MRE11: variants seen among roughly 807,000 people sequenced by gnomAD.
MRE11 encodes MRE11 double strand break repair nuclease.
In MRE11, 62 loss-of-function variants were observed where a neutral mutation model predicts 91.7. The ratio of observed to expected loss-of-function variants is 0.68; its 90% CI spans 0.55 to 0.84. The LOEUF is 0.84. MRE11 is among the 40% of genes least tolerant of loss of function. The pLI, the probability that MRE11 is intolerant of heterozygous loss-of-function variation, is 0.00. For synonymous variants in MRE11, 273 were observed against 271.4 expected (o/e 1.01, Z -0.06); for missense variants, 796 against 852.9 (o/e 0.93, Z 0.83).
chr11:94,503,768 A>T, the MRE11 span, among the ~76,000 whole-genome samples: 1 of 140,794 alleles, frequency 7.1e-6, no homozygotes, highest in Admixed American at 7.7e-5. Flanking sequence ...CTATACTTGC[A>T]GTGAGCCGAG....
chr11:94,472,027 T>G (rs1946730061), intron 7 of MRE11, among the ~76,000 whole-genome samples: 1 of 151,986 alleles, frequency 6.6e-6, no homozygotes, highest in South Asian at 2.1e-4. Context: ...ATGAAAGGTT[T>G]TACATAGGAA....
intron 10 of MRE11, 80 bp from the exon 11 acceptor site, chr11:94,464,319 TCA>T (rs1303957044): frequency 4.5e-6 from 7 of 1,569,284 alleles, no homozygotes; most frequent in South Asian, 2.2e-5. Context: ...CCTTCAGTAT[TCA>T]CAGTGTTTAT....
chr11:94,452,196 CAAAA>C (rs35238737), intron 14 of MRE11, among the ~76,000 whole-genome samples: 3 of 94,546 alleles, frequency 3.2e-5, no homozygotes, highest in Non-Finnish European at 4.4e-5. Flanking sequence ...GACTTTGCCT[CAAAA>C]AAAAAAAAAA....
intron 7 of MRE11, 45 bp from the exon 8 acceptor site, chr11:94,471,804 T>A: frequency 6.9e-7 from 1 of 1,454,070 alleles, no homozygotes; most frequent in East Asian, 2.4e-5. Flanking sequence ...ATTAGAAAAA[T>A]TTCATATTAT....
chr11:94,420,131 T>A lies in MRE11; in HGVS notation c.2121A>T (p.Arg707Ser). 1.9e-6 allele frequency: 3 copies of A among 1,571,356 alleles called. No individual in the cohort carries two copies. The highest frequency in any genetic ancestry group is 1.3e-5 in the African/African-American group (1 of 74,180). Residue 707 changes from arginine to serine, a missense_variant, in exon 20 of 20, where the codon AGA (arginine) becomes AGT (serine). By Grantham distance (110) the Arg-to-Ser change is moderately radical (BLOSUM62 -1). Coordinates refer to ENST00000323929, the MANE Select transcript of MRE11 (RefSeq NM_005591.4). ...FMNTSSLRRN[R>S]R ...CTCAGTGCCATTAAATATATTATCT[T>A]CTATTTCTTCTTAAAGAACTAGTGT... is the stretch of plus-strand genomic sequence containing the variant.
chr11:94,505,215 TA>T, the MRE11 span, among the ~76,000 whole-genome samples: 7 of 152,230 alleles, frequency 4.6e-5, no homozygotes, highest in African/African-American at 1.7e-4. Flanking sequence ...TTCTACTTAT[TA>T]AAAAAAGTGA....
Position 94,429,901 on chromosome 11 carries a change from A to G in MRE11, c.2070+10T>C. 1 of 1,602,902 alleles carries G rather than the reference A, an allele frequency of 6.2e-7. No individual in the cohort carries two copies. Among genetic ancestry groups the G allele is most frequent in the Non-Finnish European group, 8.5e-7 (1 of 1,172,458 alleles). ...AAATTAATTAAAATTTAACAATATT[A>G]CTTATTTACCTCACTTGATTCAAAA... On this transcript the variant is annotated intron_variant, in intron 19 of 19. Transcript: ENST00000323929.
chr11:94,455,979 T>TG lies in MRE11; in HGVS notation c.1563+296dup, dbSNP rs13447689. 2.3e-3 allele frequency among the ~76,000 whole-genome samples: 344 copies of TG among 152,230 alleles called. 2 individuals are homozygous for TG. Among genetic ancestry groups the TG allele is most frequent in the African/African-American group, 7.8e-3 (325 of 41,548 alleles). ...GTGCAGCCATAGTTCACTGCAGCCTTGAACTCCTGGGCTCACGCAATCCCC... is the reference window on the plus strand; with the variant it reads ...GTGCAGCCATAGTTCACTGCAGCCTTGGAACTCCTGGGCTCACGCAATCCCC... On this transcript the variant is annotated intron_variant, in intron 14 of 19. Coordinates refer to ENST00000323929, the MANE Select transcript of MRE11 (RefSeq NM_005591.4).
chr11:94,454,275 T>C (rs1261473787), intron 14 of MRE11, among the ~76,000 whole-genome samples: 3 of 152,114 alleles, frequency 2.0e-5, no homozygotes, highest in African/African-American at 2.4e-5. Flanking sequence ...GGTTTTGCCA[T>C]GTTGCCCAGG....
Position 94,429,923 on chromosome 11 carries a change from A to G in MRE11, c.2058T>C (p.Phe686=). The change falls in exon 19 of 20, where the codon TTT becomes TTC. Residue 686 remains phenylalanine (F), a synonymous_variant. Transcript: ENST00000323929. The part of the protein sequence containing the change: ...SQSQVSKGVD[F]ESSEDDDDDP... ...ATTACTTATTTACCTCACTTGATTC[A>G]AAATCAACCCCTTTCGATACTTGAC... is the stretch of plus-strand genomic sequence containing the variant. The G allele has an allele frequency of 6.2e-7, 1 of 1,613,372 alleles. No homozygotes were observed. Among genetic ancestry groups the G allele is most frequent in the South Asian group, 1.1e-5 (1 of 90,990 alleles).
At chr11:94,462,140 C>T (rs1946436929) in intron 11 of MRE11, among the ~76,000 whole-genome samples, 2 of 152,104 alleles carry the variant, frequency 1.3e-5, no homozygotes, top group South Asian at 4.1e-4. Context: ...CAATAACAGA[C>T]AAACAGAGAG....
Position 94,464,183 on chromosome 11 carries a change from A to T in MRE11, c.1155T>A (p.Phe385Leu), listed in dbSNP as rs1338232569. 6.2e-7 allele frequency: 1 copy of T among 1,613,998 alleles called. No individual in the cohort carries two copies. The highest frequency in any genetic ancestry group is 2.2e-5 in the East Asian group (1 of 44,824). ...CTTTTGGATTAGCTACCCGATCCAC[A>T]AATTTCTGGCTAAAGCGAAGAACAC... The part of the protein sequence containing the change: ...PFSVLRFSQK[F>L]VDRVANPKDI... The change falls in exon 11 of 20, where the codon TTT becomes TTA. Residue 385 changes from phenylalanine to leucine, a missense_variant. Transcript: ENST00000323929.
chr11:94,503,922 CAG>C, the MRE11 span, among the ~76,000 whole-genome samples: 1 of 148,510 alleles, frequency 6.7e-6, no homozygotes, highest in Non-Finnish European at 1.5e-5. Context: ...TAGAACAGAA[CAG>C]AGTCTAGAAA....
chr11:94,445,694 C>T, intron 16 of MRE11, 116 bp downstream of exon 16: 1 of 794,300 alleles, frequency 1.3e-6, no homozygotes. Context: ...TCCTGTGATC[C>T]TAATTGCCCT....
intron 16 of MRE11, among the ~76,000 whole-genome samples, chr11:94,437,978 A>AC (rs1258990495): frequency 6.6e-6 from 1 of 152,016 alleles, no homozygotes; most frequent in Non-Finnish European, 1.5e-5. Flanking sequence ...ATATATAAAA[A>AC]TTAGCCAGGC....
intron 19 of MRE11, among the ~76,000 whole-genome samples, chr11:94,423,710 T>G (rs975225968): frequency 6.6e-6 from 1 of 152,220 alleles, no homozygotes; most frequent in Non-Finnish European, 1.5e-5. Flanking sequence ...AGTACCTTCC[T>G]GGCAGCCTGG....
intron 14 of MRE11, among the ~76,000 whole-genome samples, chr11:94,451,105 C>T (rs1442967084): frequency 7.3e-5 from 11 of 151,052 alleles, no homozygotes; most frequent in Admixed American, 5.3e-4. Flanking sequence ...GGCAACATAA[C>T]GAGACTCCGT....
the MRE11 span, among the ~76,000 whole-genome samples, chr11:94,504,666 T>TCAA: frequency 6.6e-6 from 1 of 152,206 alleles, no homozygotes; most frequent in Non-Finnish European, 1.5e-5. Context: ...ACGATAGCAT[T>TCAA]CAACATCCCA....
chr11:94,478,985 T>A, intron 5 of MRE11, 109 bp from the exon 6 acceptor site: 1 of 1,212,378 alleles, frequency 8.2e-7, no homozygotes, highest in Admixed American at 1.9e-5. Context: ...TACAAAAACA[T>A]AGATGAGGAT....
Sources: gnomAD v4.1 joint callset for allele counts (sites outside exome capture counted in the v4.1 genomes callset) on GRCh38, gnomAD v4.1.1 for gene constraint, MANE v1.5 for transcripts, NCBI Gene and HGNC (gene_info 2026-07-23, HGNC 2026-07-21) for gene names.